Variants in DDX46 observed in about 807,000 individuals in gnomAD.
DDX46 encodes the protein probable ATP-dependent RNA helicase DDX46.
A neutral mutation model predicts 134.9 loss-of-function variants in DDX46; 30 were observed. That is an observed-to-expected ratio of 0.22 (90% confidence interval 0.17 to 0.30). The LOEUF (loss-of-function observed/expected upper bound fraction) is 0.30. DDX46 is among the 10% of genes least tolerant of loss of function. DDX46 has a pLI of 1.00. For missense variants in DDX46, 622 were observed against 1,248.7 expected, an observed-to-expected ratio of 0.50 and a Z score of 7.56; for synonymous variants, 415 against 404.1, an observed-to-expected ratio of 1.03 and a Z score of -0.32.
chr5:134,765,653 C>T (rs1442144749), intron 2 of DDX46, among the ~76,000 whole-genome samples: 1 of 152,116 alleles, frequency 6.6e-6, no homozygotes, highest in African/African-American at 2.4e-5. Context: ...TGCTAGTGGC[C>T]TCCCAAAGGG....
chr5:134,802,241 C>T (rs1341785509), intron 15 of DDX46, among the ~76,000 whole-genome samples: 4 of 149,310 alleles, frequency 2.7e-5, no homozygotes, highest in African/African-American at 5.0e-5. Context: ...CTTGGCTCAC[C>T]GCAACCTCCG....
chr5:134,799,554 A>G (rs112491002), intron 15 of DDX46, among the ~76,000 whole-genome samples: 2 of 152,188 alleles, frequency 1.3e-5, no homozygotes, highest in African/African-American at 4.8e-5. Context: ...CCTGGCCAAC[A>G]TGGTGAAACC....
rs1755652338 is a variant in DDX46, at chr5:134,828,604, T to G, written c.3052-55T>G. ...TTGGTTGGTTGGTTCGTTTTTTTTT[T>G]TTGTTTTTTTTGTTTTGCTTTCTCT... On this transcript the variant is annotated intron_variant, in intron 22 of 22. Coordinates refer to ENST00000452510, the MANE Select transcript of DDX46 (RefSeq NM_001300860.2). 26 of 1,270,324 alleles carry G rather than the reference T, an allele frequency of 2.0e-5. No individual in the cohort carries two copies. The South Asian group carries it at 4.2e-4, about 20-fold the overall frequency. 78.7% of individuals were successfully genotyped at this position (1,270,324 alleles called of 1,614,324 possible).
chr5:134,830,242 T>C lies in DDX46; in HGVS notation c.*1536T>C, dbSNP rs775572412. ...TTTAACAGCTGTAAAAGTTTTACTATAACATTTACATTGTGTTAGGTATTT... is the reference window on the plus strand; with the variant it reads ...TTTAACAGCTGTAAAAGTTTTACTACAACATTTACATTGTGTTAGGTATTT... On this transcript the variant is annotated 3_prime_UTR_variant, in exon 23 of 23. Transcript: ENST00000452510. 8 of 152,044 alleles carry C rather than the reference T, an allele frequency of 5.3e-5. No individual in the cohort carries two copies. The highest frequency in any genetic ancestry group is 7.2e-5 in the African/African-American group (3 of 41,520). 9.4% of individuals were successfully genotyped at this position (152,044 alleles called of 1,614,324 possible).
chr5:134,792,479 G>A (rs985286869), intron 13 of DDX46, among the ~76,000 whole-genome samples: 5 of 152,176 alleles, frequency 3.3e-5, no homozygotes, highest in Admixed American at 6.5e-5. Context: ...GGGTCTGTTT[G>A]TTGTGGTAAG....
chr5:134,818,455 A>G (rs1411032724), intron 20 of DDX46, among the ~76,000 whole-genome samples: 1 of 150,114 alleles, frequency 6.7e-6, no homozygotes, highest in Non-Finnish European at 1.5e-5. Context: ...GAATCCCAGC[A>G]CTTTGGGAGA....
Position 134,782,948 on chromosome 5 carries a change from T to C in DDX46, c.1049T>C (p.Val350Ala), listed in dbSNP as rs773523259. 13 of 1,613,100 alleles carry C rather than the reference T, an allele frequency of 8.1e-6. No individual in the cohort carries two copies. Among genetic ancestry groups the C allele is most frequent in the Non-Finnish European group, 8.5e-6 (10 of 1,179,540 alleles). ...PELAKMSQEE[V>A]NVFRLEMEGI... ...TAATCTGGGTTTTGTTTTGTAGAGG[T>C]AAATGTGTTTCGATTGGAAATGGAG... The change falls in exon 9 of 23, where the codon GTA becomes GCA. Residue 350 changes from valine to alanine, a missense_variant. This residue lies in a region of DDX46 where 63 missense variants were observed against 84.0 expected (regional missense o/e 0.75). Coordinates refer to ENST00000452510, the MANE Select transcript of DDX46 (RefSeq NM_001300860.2).
At chr5:134,812,810 G>A (rs1048166302) in intron 18 of DDX46, among the ~76,000 whole-genome samples, 3 of 151,942 alleles carry the variant, frequency 2.0e-5, no homozygotes, top group African/African-American at 7.2e-5. Context: ...GCTGATTTTT[G>A]TATTTTTAGT....
At chr5:134,765,897 C>T (rs1580770472) in intron 2 of DDX46, among the ~76,000 whole-genome samples, 1 of 152,306 alleles carries the variant, frequency 6.6e-6, no homozygotes, top group Non-Finnish European at 1.5e-5. Context: ...AATTCAAGTA[C>T]TTAAGTGAAA....
At chr5:134,818,571 G>C (rs1385490432) in intron 20 of DDX46, among the ~76,000 whole-genome samples, 1 of 151,390 alleles carries the variant, frequency 6.6e-6, no homozygotes, top group Non-Finnish European at 1.5e-5. Context: ...GCATGGTGGC[G>C]CATGCCTGTA....
rs1755671750 is a variant in DDX46 at position 134,829,231 on chromosome 5, C to G, written c.*525C>G. 6.6e-6 allele frequency: 1 copy of G among 152,076 alleles called. No individual in the cohort carries two copies. Among genetic ancestry groups the G allele is most frequent in the Non-Finnish European group, 1.5e-5 (1 of 67,984 alleles). The allele number at this position is 152,076 out of a possible 1,614,324, so 9.4% of individuals were successfully genotyped here. On this transcript the variant is annotated 3_prime_UTR_variant, in exon 23 of 23. Coordinates refer to ENST00000452510, the MANE Select transcript of DDX46 (RefSeq NM_001300860.2). ...TGAGAGTTTTTGTTTCAATTTTTATCATCATAAATGGGCAAAAAGTAGTTG... is the reference window on the plus strand; with the variant it reads ...TGAGAGTTTTTGTTTCAATTTTTATGATCATAAATGGGCAAAAAGTAGTTG...
intron 21 of DDX46, among the ~76,000 whole-genome samples, chr5:134,819,782 C>G (rs910854609): frequency 1.3e-5 from 2 of 152,110 alleles, no homozygotes; most frequent in Admixed American, 1.3e-4. Flanking sequence ...GACCCGCCCC[C>G]ACTCAGCCTC....
intron 21 of DDX46, among the ~76,000 whole-genome samples, chr5:134,820,225 T>C (rs1755404277): frequency 6.6e-6 from 1 of 152,218 alleles, no homozygotes; most frequent in African/African-American, 2.4e-5. Context: ...CAGCCCACTT[T>C]ATTTATATTT....
intron 3 of DDX46, among the ~76,000 whole-genome samples, chr5:134,769,572 C>G (rs1213446628): frequency 7.3e-6 from 1 of 137,230 alleles, no homozygotes; most frequent in Admixed American, 7.7e-5. Context: ...TGAAGTTTTG[C>G]TCTTGTCTCC....
In DDX46 at chr5:134,779,053, C is replaced by CCAT. The variant is rs1754047646; in HGVS notation, c.765+1328_765+1329insCAT. ...CTGGGATTACAGGCCCTTGCCACCA[C>CCAT]GCCCAGCTAATTTTTGTATTTTTAG... On this transcript the variant is annotated intron_variant, in intron 6 of 22. Coordinates refer to ENST00000452510, the MANE Select transcript of DDX46 (RefSeq NM_001300860.2). Among the ~76,000 whole-genome samples the CCAT allele has an allele frequency of 2.0e-5, 3 of 150,622 alleles. No individual in the cohort carries two copies. The South Asian group carries it at 6.3e-4, about 32-fold the overall frequency.
chr5:134,811,176 C>T (rs2150156410), intron 16 of DDX46, 45 bp from the exon 17 acceptor site: 1 of 1,566,278 alleles, frequency 6.4e-7, no homozygotes, highest in Non-Finnish European at 8.8e-7. Context: ...AAGTAGGATC[C>T]ATCTTGTTAG....
chr5:134,782,229 G>C (rs1754175970), intron 8 of DDX46, 143 bp downstream of exon 8: 5 of 917,892 alleles, frequency 5.4e-6, no homozygotes, highest in African/African-American at 1.7e-5. Context: ...TAATTGGCCA[G>C]CTGCGGTGGC....
chr5:134,827,143 A>C, intron 22 of DDX46, 123 bp downstream of exon 22: 1 of 917,296 alleles, frequency 1.1e-6, no homozygotes, highest in Non-Finnish European at 1.6e-6. Flanking sequence ...AGTAATAAGC[A>C]TACCAGTGTA....
intron 18 of DDX46, 142 bp downstream of exon 18, chr5:134,811,987 C>A (rs1755158199): frequency 2.3e-6 from 2 of 869,672 alleles, no homozygotes; most frequent in East Asian, 2.8e-5. Flanking sequence ...GGAAAATCTG[C>A]CTACTACATA....
Sources: allele counts gnomAD v4.1 joint callset (sites outside exome capture counted in the v4.1 genomes callset), GRCh38; gene constraint gnomAD v4.1.1; regional missense constraint gnomAD v4.1.1; transcripts MANE v1.5; gene names NCBI Gene and HGNC (gene_info 2026-07-23, HGNC 2026-07-21).